Variants in KCNT2 observed in about 807,000 individuals in gnomAD.
KCNT2 encodes the protein potassium channel subfamily T member 2.
KCNT2 carries 67 observed loss-of-function variants against 153.8 expected under a neutral mutation model. The ratio of observed to expected loss-of-function variants is 0.44; its 90% CI spans 0.36 to 0.53. The LOEUF (loss-of-function observed/expected upper bound fraction) is 0.53, where lower values mean the gene tolerates loss of function less well. Among genes scored for constraint, KCNT2 ranks in the 20% least tolerant of loss-of-function variants. The pLI is 0.00. For missense variants in KCNT2, 975 were observed against 1,354.8 expected, an observed-to-expected ratio of 0.72 and a Z score of 4.40; for synonymous variants, 500 against 458.8, an observed-to-expected ratio of 1.09 and a Z score of -1.15.
intron 21 of KCNT2, among the ~76,000 whole-genome samples, chr1:196,310,066 T>C (rs1480560445): frequency 1.3e-5 from 2 of 151,818 alleles, no homozygotes; most frequent in Non-Finnish European, 2.9e-5. Flanking sequence ...ATATTCTATT[T>C]CACAGGCTAC....
chr1:196,531,981 A>G (rs1308045055), intron 1 of KCNT2, among the ~76,000 whole-genome samples: 1 of 151,998 alleles, frequency 6.6e-6, no homozygotes, highest in African/African-American at 2.4e-5. Flanking sequence ...CTACCAAAAC[A>G]CACAAATTTG....
intron 3 of KCNT2, among the ~76,000 whole-genome samples, chr1:196,486,150 T>C (rs577988327): frequency 6.6e-6 from 1 of 152,086 alleles, no homozygotes; most frequent in African/African-American, 2.4e-5. Context: ...TATATGTCTG[T>C]GTATAGAGAG....
intron 5 of KCNT2, among the ~76,000 whole-genome samples, chr1:196,474,766 T>C (rs1288617201): frequency 6.6e-6 from 1 of 152,170 alleles, no homozygotes; most frequent in Non-Finnish European, 1.5e-5. Flanking sequence ...TAGAGGGTAT[T>C]TATGATGACA....
At chr1:196,488,929 C>A (rs2148724328) in intron 3 of KCNT2, among the ~76,000 whole-genome samples, 1 of 152,036 alleles carries the variant, frequency 6.6e-6, no homozygotes, top group Non-Finnish European at 1.5e-5. Flanking sequence ...GGAGAGCACC[C>A]AGAAGATACT....
At chr1:196,295,172 G>A (rs1660566270) in intron 22 of KCNT2, among the ~76,000 whole-genome samples, 4 of 151,266 alleles carry the variant, frequency 2.6e-5, no homozygotes, top group Admixed American at 2.6e-4. Flanking sequence ...ATATATAAAT[G>A]TCACACTGTA....
At position 196,467,784 on chromosome 1, in the gene KCNT2, T is replaced by G. The variant is rs748395925; in HGVS notation, c.462A>C (p.Ile154=). The change falls in exon 7 of 28, where the codon ATA becomes ATC. Residue 154 remains isoleucine, a splice_region_variant and synonymous_variant. Transcript: ENST00000294725. The part of the protein sequence containing the change: ...IINAVPFIIS[I]FWPSLRNLFV... ...ATAGATTCCTTAAGGAAGGCCAGAA[T>G]ATCTGGAAAACAAAACAAAACAAAA... is the stretch of plus-strand genomic sequence containing the variant. 8.1e-6 allele frequency: 13 copies of G among 1,595,560 alleles called. No homozygotes were observed. The highest frequency in any genetic ancestry group is 1.0e-5 in the Non-Finnish European group (12 of 1,166,994).
intron 25 of KCNT2, among the ~76,000 whole-genome samples, chr1:196,266,339 A>G (rs1362408519): frequency 6.6e-6 from 1 of 152,198 alleles, no homozygotes; most frequent in Non-Finnish European, 1.5e-5. Context: ...CACTAAAATA[A>G]AGGTACCTCC....
chr1:196,414,504 A>C (rs1181399913), intron 12 of KCNT2, among the ~76,000 whole-genome samples: 4 of 151,890 alleles, frequency 2.6e-5, no homozygotes, highest in African/African-American at 9.7e-5. Context: ...TATTTCTCCA[A>C]GATTCCATGT....
chr1:196,525,427 G>A (rs1248120103), intron 1 of KCNT2, among the ~76,000 whole-genome samples: 1 of 152,032 alleles, frequency 6.6e-6, no homozygotes, highest in African/African-American at 2.4e-5. Flanking sequence ...TTGAGTTTCT[G>A]CTACTGTTAC....
intron 1 of KCNT2, among the ~76,000 whole-genome samples, chr1:196,587,812 G>C (rs1026445349): frequency 6.6e-6 from 1 of 151,988 alleles, no homozygotes; most frequent in South Asian, 2.1e-4. Context: ...CATGGGTAGG[G>C]GTAACATGAT....
intron 1 of KCNT2, among the ~76,000 whole-genome samples, chr1:196,509,798 A>G (rs1681465026): frequency 6.6e-6 from 1 of 152,232 alleles, no homozygotes; most frequent in African/African-American, 2.4e-5. Context: ...GACAATGATG[A>G]GAGTGTGCCA....
chr1:196,505,924 C>G (rs942171870), intron 1 of KCNT2, among the ~76,000 whole-genome samples: 1 of 151,948 alleles, frequency 6.6e-6, no homozygotes, highest in African/African-American at 2.4e-5. Flanking sequence ...GATTTTTGTA[C>G]GTTGATTTTG....
chr1:196,588,199 A>C (rs12128544), intron 1 of KCNT2, among the ~76,000 whole-genome samples: 21,484 of 151,844 alleles, frequency 0.14, 4,780 homozygotes, highest in African/African-American at 0.48. Context: ...TTGGCAGTAC[A>C]TAAACATTTG....
intron 13 of KCNT2, 29 bp downstream of exon 13, chr1:196,398,534 A>T: frequency 7.9e-7 from 1 of 1,262,222 alleles, no homozygotes; most frequent in Non-Finnish European, 1.2e-6. Context: ...CAGGAAATTC[A>T]ATGGATCTCA....
chr1:196,285,583 T>C lies in KCNT2; in HGVS notation c.2697+74A>G, dbSNP rs1417796560. 2.0e-5 allele frequency: 17 copies of C among 849,058 alleles called. No individual in the cohort carries two copies. In the East Asian group the frequency reaches 4.6e-4, roughly 23 times the overall value. 52.6% of individuals were successfully genotyped at this position (849,058 alleles called of 1,614,324 possible). On this transcript the variant is annotated intron_variant, in intron 23 of 27. Coordinates refer to ENST00000294725, the MANE Select transcript of KCNT2 (RefSeq NM_198503.5). ...TAGTAGCTGCATGTGAAACACTAGA[T>C]GTATTATTCATTTAAATAAAATCTA...
chr1:196,324,076 C>T (rs904024622), intron 19 of KCNT2, among the ~76,000 whole-genome samples: 14 of 151,602 alleles, frequency 9.2e-5, no homozygotes, highest in African/African-American at 2.9e-4. Flanking sequence ...TAAGAATATT[C>T]GACAATACTT....
intron 19 of KCNT2, among the ~76,000 whole-genome samples, chr1:196,326,482 AAC>A (rs1298062947): frequency 2.0e-5 from 3 of 152,128 alleles, no homozygotes; most frequent in Admixed American, 6.6e-5. Flanking sequence ...CCACTTGCAA[AAC>A]AGTTTTAAAT....
intron 25 of KCNT2, 141 bp downstream of exon 25, chr1:196,280,719 T>C: frequency 1.3e-6 from 1 of 766,864 alleles, no homozygotes; most frequent in Non-Finnish European, 2.1e-6. Flanking sequence ...AAAAATTTGG[T>C]TCTGAGATTT....
chr1:196,505,567 G>A (rs1267427219), intron 1 of KCNT2, among the ~76,000 whole-genome samples: 2 of 151,914 alleles, frequency 1.3e-5, no homozygotes, highest in East Asian at 3.9e-4. Flanking sequence ...GGTGATGCGG[G>A]CTCTTTTTTG....
Sources: gnomAD v4.1 joint callset for allele counts (sites outside exome capture counted in the v4.1 genomes callset) on GRCh38, gnomAD v4.1.1 for gene constraint, MANE v1.5 for transcripts, NCBI Gene and HGNC (gene_info 2026-07-23, HGNC 2026-07-21) for gene names.